The following SHISA6 variants were observed in gnomAD, a reference collection of about 807,000 sequenced individuals.
SHISA6 encodes the protein shisa family member 6.
In SHISA6, 22 loss-of-function variants were observed where a neutral mutation model predicts 47.9. The ratio of observed to expected loss-of-function variants is 0.46; its 90% confidence interval spans 0.33 to 0.66. SHISA6 has a LOEUF of 0.66. Among genes scored for constraint, SHISA6 ranks in the 30% least tolerant of loss-of-function variants. SHISA6 has a pLI of 0.02. For missense variants in SHISA6, 680 were observed against 764.6 expected, an observed-to-expected ratio of 0.89 and a Z score of 1.30; for synonymous variants, 388 against 337.8, an observed-to-expected ratio of 1.15 and a Z score of -1.63.
intron 3 of SHISA6, among the ~76,000 whole-genome samples, chr17:11,505,035 A>T (rs1205869410): frequency 6.6e-6 from 1 of 152,178 alleles, no homozygotes; most frequent in Non-Finnish European, 1.5e-5. Context: ...CTCTTCTTTA[A>T]CTGGGACTTG....
chr17:11,281,147 CT>C (rs892640195), intron 2 of SHISA6, among the ~76,000 whole-genome samples: 3 of 152,028 alleles, frequency 2.0e-5, no homozygotes, highest in Non-Finnish European at 2.9e-5. Flanking sequence ...ATTTAGATGC[CT>C]TTTTTTCTTT....
intron 2 of SHISA6, among the ~76,000 whole-genome samples, chr17:11,279,344 G>T (rs2142159698): frequency 6.6e-6 from 1 of 152,206 alleles, no homozygotes; most frequent in African/African-American, 2.4e-5. Flanking sequence ...CCCTCGTAGA[G>T]GTACGAGACA....
intron 3 of SHISA6, among the ~76,000 whole-genome samples, chr17:11,526,925 ATATATATATAT>A (rs2071691145): frequency 3.8e-5 from 1 of 26,548 alleles, no homozygotes; most frequent in African/African-American, 1.7e-4. Context: ...ATATATATAT[ATATATATATAT>A]TATAATGATC....
intron 2 of SHISA6, among the ~76,000 whole-genome samples, chr17:11,295,273 C>T (rs1031884708): frequency 4.6e-5 from 7 of 152,162 alleles, no homozygotes; most frequent in Non-Finnish European, 8.8e-5. Flanking sequence ...ACCATAGTCA[C>T]AATTGTACCA....
intron 3 of SHISA6, among the ~76,000 whole-genome samples, chr17:11,430,097 T>G (rs969550826): frequency 5.9e-5 from 9 of 152,184 alleles, no homozygotes; most frequent in African/African-American, 2.2e-4. Flanking sequence ...ATCACAGACT[T>G]CAATAATTTG....
In SHISA6 at chr17:11,241,461, G is replaced by T; in HGVS notation, c.39G>T (p.Ser13=). 1 of 1,211,430 alleles carries T rather than the reference G, an allele frequency of 8.3e-7. No individual in the cohort carries two copies. The highest frequency in any genetic ancestry group is 1.6e-5 in the African/African-American group (1 of 61,182). 75.0% of individuals were successfully genotyped at this position (1,211,430 alleles called of 1,614,324 possible). A position where few individuals can be genotyped will look rare whatever the true frequency, so the allele number is the denominator to read the frequency against. The change falls in exon 1 of 6, where the codon TCG becomes TCT. Residue 13 remains serine (S), a synonymous_variant. Coordinates refer to ENST00000441885, the MANE Select transcript of SHISA6 (RefSeq NM_207386.4). This position sits in a 1 kb window ranked among gnomAD's most constrained non-coding sequence, Gnocchi z 5.5. ...GCCTCCTGCTGCTGCTGCTGCTCTC[G>T]CTGGAGTCCCTGGACCTGCTGCCCA... ...LRRLLLLLLL[S]LESLDLLPSV...
chr17:11,374,763 G>T (rs1401430368), intron 2 of SHISA6, among the ~76,000 whole-genome samples: 1 of 151,780 alleles, frequency 6.6e-6, no homozygotes, highest in African/African-American at 2.4e-5. Context: ...TACTTAAATA[G>T]TAGTAATAGT....
chr17:11,536,936 A>G (rs1359101703), intron 3 of SHISA6, among the ~76,000 whole-genome samples: 1 of 152,218 alleles, frequency 6.6e-6, no homozygotes, highest in Non-Finnish European at 1.5e-5. Flanking sequence ...ACACAGCTCC[A>G]GCATCTCCAG....
At chr17:11,257,550 AC>A in intron 1 of SHISA6, among the ~76,000 whole-genome samples, 1 of 151,822 alleles carries the variant, frequency 6.6e-6, no homozygotes, top group African/African-American at 2.4e-5. Flanking sequence ...AGTATCAGCT[AC>A]TGGGGAGGCT....
At chr17:11,334,158 A>G (rs1039182989) in intron 2 of SHISA6, among the ~76,000 whole-genome samples, 1 of 152,190 alleles carries the variant, frequency 6.6e-6, no homozygotes, top group Non-Finnish European at 1.5e-5. Context: ...TTCAAAGTGC[A>G]GGAGGCCTGA....
At chr17:11,291,185 A>G (rs1365336003) in intron 2 of SHISA6, among the ~76,000 whole-genome samples, 3 of 152,054 alleles carry the variant, frequency 2.0e-5, no homozygotes, top group Non-Finnish European at 4.4e-5. Flanking sequence ...AGAGAGAATA[A>G]AAACACAGGA....
At chr17:11,248,574 T>C (rs1907679290) in intron 1 of SHISA6, among the ~76,000 whole-genome samples, 1 of 152,186 alleles carries the variant, frequency 6.6e-6, no homozygotes, top group Non-Finnish European at 1.5e-5. Context: ...GTTACAGCCT[T>C]CTCCTTTCTC....
At chr17:11,245,097 T>C (rs1009704945) in intron 1 of SHISA6, among the ~76,000 whole-genome samples, 3 of 152,236 alleles carry the variant, frequency 2.0e-5, no homozygotes, top group African/African-American at 7.2e-5. Context: ...CTTGCTATCG[T>C]GTTTCTGAGT....
In SHISA6 at chr17:11,242,036, C is replaced by T. The variant is rs1195100923; in HGVS notation, c.614C>T (p.Pro205Leu). 1.9e-6 allele frequency: 3 copies of T among 1,550,858 alleles called. No individual in the cohort carries two copies. The highest frequency in any genetic ancestry group is 2.4e-5 in the East Asian group (1 of 40,898). ...GTCTCCTACGACAAGGCCCACCGCC[C>T]TCCACGGGAGATGAACATCCACAGG... ...AKVSYDKAHR[P>L]PREMNIHRAL... The change falls in exon 1 of 6, where the codon CCT (proline) becomes CTT (leucine). Residue 205 changes from proline (P) to leucine (L), a missense_variant. By Grantham distance (98) the Pro-to-Leu change is moderately conservative (BLOSUM62 -3). Around this residue, in one of 2 missense-constraint regions of SHISA6, gnomAD observed 559 missense variants for 674.1 expected, o/e 0.83. Coordinates refer to ENST00000441885, the MANE Select transcript of SHISA6 (RefSeq NM_207386.4).
intron 2 of SHISA6, among the ~76,000 whole-genome samples, 192 bp from the exon 3 acceptor site, chr17:11,379,220 TAA>T (rs1912924267): frequency 6.7e-6 from 1 of 148,352 alleles, no homozygotes; most frequent in Non-Finnish European, 1.5e-5. Flanking sequence ...ATATATTCAG[TAA>T]TATATATATT....
chr17:11,290,870 T>C (rs1295229633), intron 2 of SHISA6: 4 of 152,124 alleles, frequency 2.6e-5, no homozygotes, highest in Non-Finnish European at 5.9e-5. Flanking sequence ...CTTTCGTGTC[T>C]GCTTCAGGGG....
At chr17:11,375,117 A>G (rs73299351) in intron 2 of SHISA6, among the ~76,000 whole-genome samples, 4,845 of 152,266 alleles carry the variant, frequency 0.032, 271 homozygotes, top group African/African-American at 0.11. Context: ...GGGTATATCT[A>G]GATATCGGTC....
At chr17:11,497,155 A>C (rs934200997) in intron 3 of SHISA6, among the ~76,000 whole-genome samples, 4 of 152,170 alleles carry the variant, frequency 2.6e-5, no homozygotes, top group African/African-American at 9.7e-5. Context: ...TGACCTGGGG[A>C]AAGGAGAAGA....
At position 11,325,537 on chromosome 17, in the gene SHISA6, G is replaced by A. The variant is rs570766074; in HGVS notation, c.800-53877G>A. Among the ~76,000 whole-genome samples the A allele has an allele frequency of 2.6e-5, 4 of 152,068 alleles. No individual in the cohort carries two copies. The South Asian group carries it at 8.3e-4, about 32-fold the overall frequency. On this transcript the variant is annotated intron_variant, in intron 2 of 5. Transcript: ENST00000441885. ...ACCAAATGGAATCAAGCCCATTTTT[G>A]GTGTAGGATGCCTATTCCAAAACAA...
Sources: allele counts gnomAD v4.1 joint callset (sites outside exome capture counted in the v4.1 genomes callset), GRCh38; gene constraint gnomAD v4.1.1; regional missense constraint gnomAD v4.1.1; non-coding constraint Gnocchi (gnomAD v3.1); transcripts MANE v1.5; gene names NCBI Gene and HGNC (gene_info 2026-07-23, HGNC 2026-07-21).